Variants in TSPAN15 observed in about 807,000 individuals in gnomAD.
TSPAN15 encodes tetraspanin 15.
In TSPAN15, 20 loss-of-function variants were observed where a neutral mutation model predicts 34.5. That is an observed-to-expected ratio of 0.58 (90% CI 0.41 to 0.84). The LOEUF (loss-of-function observed/expected upper bound fraction) is 0.84. Among genes scored for constraint, TSPAN15 ranks in the 40% least tolerant of loss-of-function variants. The pLI is 0.00. For missense variants in TSPAN15, 313 were observed against 386.1 expected, an observed-to-expected ratio of 0.81 and a Z score of 1.59; for synonymous variants, 155 against 153.9, an observed-to-expected ratio of 1.01 and a Z score of -0.05.
At chr10:69,546,787 C>T in the TSPAN15 span, among the ~76,000 whole-genome samples, 2 of 152,112 alleles carry the variant, frequency 1.3e-5, no homozygotes, top group Non-Finnish European at 2.9e-5. Context: ...TGTCACTGCT[C>T]AGTCTTTCTG....
intron 1 of TSPAN15, among the ~76,000 whole-genome samples, chr10:69,480,584 G>T (rs2133105905): frequency 6.6e-6 from 1 of 152,310 alleles, no homozygotes. Context: ...ATGATTCTCT[G>T]CTTTGAGGTG....
rs571336197 is a variant in TSPAN15 at position 69,507,094 on chromosome 10, G to C, written c.*116G>C. 2.7e-5 allele frequency: 40 copies of C among 1,502,060 alleles called. No homozygotes were observed. The African/African-American group carries it at 5.2e-4, about 20-fold the overall frequency. 93.0% of individuals were successfully genotyped at this position (1,502,060 alleles called of 1,614,324 possible). On this transcript the variant is annotated 3_prime_UTR_variant, in exon 8 of 8. Transcript: ENST00000373290. ...CTGCCCACACTCAGTACTGACCAAA[G>C]CCAGGGCTGTGTGTGCCTGTGTGTA...
At chr10:69,493,442 C>T (rs28670732) in intron 3 of TSPAN15, among the ~76,000 whole-genome samples, 4,878 of 150,664 alleles carry the variant, frequency 0.032, 268 homozygotes, top group African/African-American at 0.11. Flanking sequence ...CTTCTGGCCA[C>T]GAAGGCCAGT....
chr10:69,458,948 C>T (rs1243444933), intron 1 of TSPAN15, among the ~76,000 whole-genome samples: 1 of 152,048 alleles, frequency 6.6e-6, no homozygotes, highest in Non-Finnish European at 1.5e-5. Context: ...GGCCTTTCTT[C>T]CCAGGTGACT....
the TSPAN15 span, among the ~76,000 whole-genome samples, chr10:69,520,353 T>A: frequency 6.6e-6 from 1 of 152,216 alleles, no homozygotes; most frequent in Non-Finnish European, 1.5e-5. Context: ...CAGAATTTTG[T>A]TACTTTTTAT....
At chr10:69,494,748 G>A in intron 3 of TSPAN15, 1 of 985,434 alleles carries the variant, frequency 1.0e-6, no homozygotes, top group Non-Finnish European at 1.2e-6. Flanking sequence ...TGGCACCGGA[G>A]CCGAGAATGC....
chr10:69,466,966 G>A (rs1458555332), intron 1 of TSPAN15, among the ~76,000 whole-genome samples: 1 of 152,208 alleles, frequency 6.6e-6, no homozygotes, highest in Non-Finnish European at 1.5e-5. Flanking sequence ...CAGCTGGCCT[G>A]GGCTCTTTGC....
the TSPAN15 span, among the ~76,000 whole-genome samples, chr10:69,547,527 T>A: frequency 6.6e-6 from 1 of 152,164 alleles, no homozygotes; most frequent in Non-Finnish European, 1.5e-5. Context: ...AAATAGAAAG[T>A]CTTATATTTT....
Position 69,455,608 on chromosome 10 carries a change from C to CTTTCTTTCTTTCTT in TSPAN15, c.96+3919_96+3920insTTCTTTCTTTCTTT, listed in dbSNP as rs1428393903. ...TTTCTTTCTCTTTCTTTCTTTCTTT[C>CTTTCTTTCTTTCTT]TCTCTCTCTCTCTCTCTCCCCCCCC... On this transcript the variant is annotated intron_variant, in intron 1 of 7. Coordinates refer to ENST00000373290, the MANE Select transcript of TSPAN15 (RefSeq NM_012339.5). Among the ~76,000 whole-genome samples, 143 of 100,418 alleles carry CTTTCTTTCTTTCTT rather than the reference C, an allele frequency of 1.4e-3. 6 individuals carry two copies. Among genetic ancestry groups the CTTTCTTTCTTTCTT allele is most frequent in the African/African-American group, 5.2e-3 (129 of 24,950 alleles). 65.9% of individuals were successfully genotyped at this position (100,418 alleles called of 152,430 possible). A position where few individuals can be genotyped will look rare whatever the true frequency, so the allele number is the denominator to read the frequency against.
At chr10:69,460,846 G>T (rs1564598245) in intron 1 of TSPAN15, among the ~76,000 whole-genome samples, 2 of 152,140 alleles carry the variant, frequency 1.3e-5, no homozygotes, top group African/African-American at 4.8e-5. Flanking sequence ...GGGCCTGAGT[G>T]TTGAGGTCAG....
chr10:69,458,764 A>G (rs927544847), intron 1 of TSPAN15, among the ~76,000 whole-genome samples: 4 of 152,158 alleles, frequency 2.6e-5, no homozygotes, highest in Non-Finnish European at 5.9e-5. Context: ...CCTTCATTTT[A>G]TAGATGAGCA....
the TSPAN15 span, among the ~76,000 whole-genome samples, chr10:69,531,586 G>T: frequency 6.6e-6 from 1 of 152,068 alleles, no homozygotes; most frequent in East Asian, 1.9e-4. Context: ...GTGACACAGT[G>T]AGACTGTCTC....
intron 1 of TSPAN15, among the ~76,000 whole-genome samples, chr10:69,455,698 G>A (rs1841091584): frequency 7.3e-6 from 1 of 137,672 alleles, no homozygotes. Context: ...ATCTCTGAAT[G>A]TGTCATTTTG....
At position 69,507,466 on chromosome 10, in the gene TSPAN15, A is replaced by AG; in HGVS notation, c.*490dup. 3 of 1,302,340 alleles carry AG rather than the reference A, an allele frequency of 2.3e-6. No individual in the cohort carries two copies. Among genetic ancestry groups the AG allele is most frequent in the Non-Finnish European group, 3.0e-6 (3 of 988,808 alleles). 80.7% of individuals were successfully genotyped at this position (1,302,340 alleles called of 1,614,324 possible). A position where few individuals can be genotyped will look rare whatever the true frequency, so the allele number is the denominator to read the frequency against. ...CAGGTTGGCCTCTTCTCAGCCTCCC[A>AG]GGTGCCTTGAGCCCTCTTGCAAGGG... On this transcript the variant is annotated 3_prime_UTR_variant, in exon 8 of 8. Coordinates refer to ENST00000373290, the MANE Select transcript of TSPAN15 (RefSeq NM_012339.5).
chr10:69,489,369 G>A (rs1278049589), intron 3 of TSPAN15, among the ~76,000 whole-genome samples: 1 of 152,138 alleles, frequency 6.6e-6, no homozygotes, highest in Admixed American at 6.5e-5. Flanking sequence ...AAATCAACTT[G>A]TACAGTTAAC....
chr10:69,501,537 T>C (rs1232362172), intron 5 of TSPAN15, among the ~76,000 whole-genome samples: 2 of 152,384 alleles, frequency 1.3e-5, no homozygotes, highest in Non-Finnish European at 2.9e-5. Flanking sequence ...ACGGGAAATA[T>C]GTAGTGTAAA....
At chr10:69,499,635 C>T (rs557155973) in intron 5 of TSPAN15, among the ~76,000 whole-genome samples, 111 of 152,200 alleles carry the variant, frequency 7.3e-4, no homozygotes, top group East Asian at 3.9e-3. Context: ...AGTCTCTGCC[C>T]GCAAGGAGGT....
At chr10:69,503,633 G>T (rs1197882360) in intron 5 of TSPAN15, among the ~76,000 whole-genome samples, 1 of 152,156 alleles carries the variant, frequency 6.6e-6, no homozygotes, top group Admixed American at 6.5e-5. Context: ...TTGCCCTCCT[G>T]AGTCATCACT....
At chr10:69,525,831 A>AC in the TSPAN15 span, among the ~76,000 whole-genome samples, 1 of 146,228 alleles carries the variant, frequency 6.8e-6, no homozygotes, top group Admixed American at 7.2e-5. Flanking sequence ...AAAAAAAAAA[A>AC]AAACTATTCA....
Sources: gnomAD v4.1 joint callset for allele counts (sites outside exome capture counted in the v4.1 genomes callset) on GRCh38, gnomAD v4.1.1 for gene constraint, MANE v1.5 for transcripts, NCBI Gene and HGNC (gene_info 2026-07-23, HGNC 2026-07-21) for gene names.